Variants in PITPNC1 observed in about 807,000 individuals in gnomAD.
PITPNC1 encodes cytoplasmic phosphatidylinositol transfer protein 1.
In PITPNC1, 18 loss-of-function variants were observed where a neutral mutation model predicts 44.7. The ratio of observed to expected loss-of-function variants is 0.40; its 90% CI spans 0.28 to 0.60. PITPNC1 has a LOEUF of 0.60. Among genes scored for constraint, PITPNC1 ranks in the 20% least tolerant of loss-of-function variants. PITPNC1 has a pLI of 0.39. For missense variants in PITPNC1, 290 were observed against 418.4 expected (o/e 0.69, Z 2.68); for synonymous variants, 141 against 149.6 (o/e 0.94, Z 0.42).
chr17:67,653,586 G>GAA (rs2042232355), intron 6 of PITPNC1, among the ~76,000 whole-genome samples: 2 of 152,164 alleles, frequency 1.3e-5, no homozygotes, highest in South Asian at 4.1e-4. Context: ...AGCAGGAAAC[G>GAA]AATAGACTAG....
intron 1 of PITPNC1, among the ~76,000 whole-genome samples, chr17:67,425,229 A>T: frequency 7.2e-6 from 1 of 139,006 alleles, no homozygotes; most frequent in Admixed American, 7.3e-5. Context: ...ACACACACAC[A>T]CACACACACA....
intron 1 of PITPNC1, among the ~76,000 whole-genome samples, chr17:67,451,121 T>G (rs2039169146): frequency 6.6e-6 from 1 of 152,122 alleles, no homozygotes; most frequent in African/African-American, 2.4e-5. Context: ...AACTTCCGCC[T>G]CCTGGGTTCA....
At chr17:67,571,543 C>T (rs1598835084) in intron 4 of PITPNC1, among the ~76,000 whole-genome samples, 2 of 152,328 alleles carry the variant, frequency 1.3e-5, no homozygotes, top group East Asian at 3.9e-4. Flanking sequence ...GGCAACTCAC[C>T]AGGTAGAAAT....
chr17:67,499,592 G>T (rs1478597714), intron 1 of PITPNC1, among the ~76,000 whole-genome samples: 3 of 152,166 alleles, frequency 2.0e-5, no homozygotes, highest in Non-Finnish European at 4.4e-5. Context: ...ACTTCCTACT[G>T]CCCAGAGGCA....
At chr17:67,406,591 G>GTTTT (rs35597011) in intron 1 of PITPNC1, among the ~76,000 whole-genome samples, 2 of 144,730 alleles carry the variant, frequency 1.4e-5, no homozygotes, top group Non-Finnish European at 1.5e-5. Flanking sequence ...ATTATATATA[G>GTTTT]TTTTTTTTTT....
chr17:67,499,094 G>A lies in PITPNC1; in HGVS notation c.49-33708G>A, dbSNP rs553656870. ...TCACCATGTTAGCCAGGCTGGTCTC[G>A]AACTCCTGACCTCCAGTGATCTGCC... On this transcript the variant is annotated intron_variant, in intron 1 of 8. Coordinates refer to ENST00000581322, the MANE Select transcript of PITPNC1 (RefSeq NM_012417.4). 1.4e-4 allele frequency among the ~76,000 whole-genome samples: 21 copies of A among 152,124 alleles called. No individual in the cohort carries two copies. The South Asian group carries it at 4.1e-3, about 30-fold the overall frequency.
chr17:67,431,782 G>A (rs948342643), intron 1 of PITPNC1, among the ~76,000 whole-genome samples: 2 of 152,176 alleles, frequency 1.3e-5, no homozygotes, highest in Admixed American at 1.3e-4. Flanking sequence ...TGTTTCCAAG[G>A]AAGATATGAT....
chr17:67,586,978 C>G (rs1029397134), intron 5 of PITPNC1, among the ~76,000 whole-genome samples: 2 of 152,108 alleles, frequency 1.3e-5, no homozygotes, highest in Admixed American at 1.3e-4. Context: ...GAGTGACTTT[C>G]TGTTAGAATT....
chr17:67,588,606 T>C (rs1038258945), intron 5 of PITPNC1, among the ~76,000 whole-genome samples: 7 of 151,902 alleles, frequency 4.6e-5, no homozygotes, highest in Non-Finnish European at 1.0e-4. Flanking sequence ...AGAAAAAAAA[T>C]AGAGCGTGTA....
chr17:67,534,678 A>T (rs1222494412), intron 2 of PITPNC1, among the ~76,000 whole-genome samples: 2 of 152,150 alleles, frequency 1.3e-5, no homozygotes, highest in Non-Finnish European at 2.9e-5. Context: ...GAATAAAGAA[A>T]AAAAAGAAAT....
rs751441703 is a variant in PITPNC1, at chr17:67,633,684, C to T, written c.462+1446C>T. ...GGAAATAAACAGGGCCACTGACCTTCCCCTTGTCTCACTCCACAGAAATCC... is the reference window on the plus strand; with the variant it reads ...GGAAATAAACAGGGCCACTGACCTTTCCCTTGTCTCACTCCACAGAAATCC... On this transcript the variant is annotated intron_variant, in intron 6 of 8. Coordinates refer to ENST00000581322, the MANE Select transcript of PITPNC1 (RefSeq NM_012417.4). Among the ~76,000 whole-genome samples the T allele has an allele frequency of 5.9e-5, 9 of 152,408 alleles. No individual in the cohort carries two copies. In the East Asian group the frequency reaches 7.7e-4, roughly 13 times the overall value.
chr17:67,488,739 T>TCCTGGCAGCC (rs894826598), intron 1 of PITPNC1, among the ~76,000 whole-genome samples: 3 of 152,172 alleles, frequency 2.0e-5, no homozygotes, highest in Non-Finnish European at 2.9e-5. Context: ...CCTGTTCCCC[T>TCCTGGCAGCC]CCTGGCAGCC....
In PITPNC1 at chr17:67,588,107, G is replaced by A. The variant is rs547408813; in HGVS notation, c.366+9850G>A. Among the ~76,000 whole-genome samples, 7 of 152,122 alleles carry A rather than the reference G, an allele frequency of 4.6e-5. No individual in the cohort carries two copies. In the East Asian group the frequency reaches 1.2e-3, roughly 25 times the overall value. On this transcript the variant is annotated intron_variant, in intron 5 of 8. Coordinates refer to ENST00000581322, the MANE Select transcript of PITPNC1 (RefSeq NM_012417.4). Reference sequence around the variant, plus strand: ...CAATCTCTACCTCTCAGGTTCAAACGATTCTATTGCCTCAGCCTCCAGAGT... The same window carrying A: ...CAATCTCTACCTCTCAGGTTCAAACAATTCTATTGCCTCAGCCTCCAGAGT...
chr17:67,386,583 TCA>T (rs1486672479), intron 1 of PITPNC1, among the ~76,000 whole-genome samples: 1 of 152,168 alleles, frequency 6.6e-6, no homozygotes, highest in Admixed American at 6.6e-5. Flanking sequence ...GAGTGGGGAA[TCA>T]CAACGTTTTG....
chr17:67,538,298 C>G (rs1045540230), intron 2 of PITPNC1, among the ~76,000 whole-genome samples: 1 of 152,100 alleles, frequency 6.6e-6, no homozygotes, highest in Non-Finnish European at 1.5e-5. Flanking sequence ...CTTCACACTA[C>G]ACACACAAAT....
chr17:67,383,772 C>G (rs1351880679), intron 1 of PITPNC1, among the ~76,000 whole-genome samples: 1 of 152,224 alleles, frequency 6.6e-6, no homozygotes, highest in Admixed American at 6.5e-5. Flanking sequence ...GGCGCGGTGG[C>G]TCATGCCTGT....
At chr17:67,601,660 T>TGGG (rs1182425684) in intron 5 of PITPNC1, among the ~76,000 whole-genome samples, 2 of 151,414 alleles carry the variant, frequency 1.3e-5, no homozygotes, top group Non-Finnish European at 2.9e-5. Context: ...GAGGCTGAGG[T>TGGG]GGGAGGATCA....
At chr17:67,486,144 C>T (rs2039774788) in intron 1 of PITPNC1, among the ~76,000 whole-genome samples, 2 of 152,056 alleles carry the variant, frequency 1.3e-5, no homozygotes, top group Non-Finnish European at 2.9e-5. Flanking sequence ...GACATGTACT[C>T]AGAAAATTCT....
At chr17:67,527,543 A>T (rs1050294306) in intron 1 of PITPNC1, among the ~76,000 whole-genome samples, 3 of 152,078 alleles carry the variant, frequency 2.0e-5, no homozygotes, top group Non-Finnish European at 4.4e-5. Flanking sequence ...TCTCTACTAA[A>T]AATACAAAAA....
Sources: gnomAD v4.1 joint callset for allele counts (sites outside exome capture counted in the v4.1 genomes callset) on GRCh38, gnomAD v4.1.1 for gene constraint, MANE v1.5 for transcripts, NCBI Gene and HGNC (gene_info 2026-07-23, HGNC 2026-07-21) for gene names.